VPS13A: variants seen among roughly 807,000 people sequenced by gnomAD.
The protein encoded by VPS13A is vacuolar protein sorting 13 homolog A, also known as intermembrane lipid transfer protein VPS13A.
In VPS13A, 264 loss-of-function variants were observed where a neutral mutation model predicts 390.9. That is an observed-to-expected ratio of 0.68 (90% CI 0.61 to 0.75). The LOEUF is 0.75. Among genes scored for constraint, VPS13A ranks in the 30% least tolerant of loss-of-function variants. VPS13A has a pLI of 0.00. For missense variants in VPS13A, 3,409 were observed against 3,733.9 expected, an observed-to-expected ratio of 0.91 and a Z score of 2.27; for synonymous variants, 1,231 against 1,227.1, an observed-to-expected ratio of 1.00 and a Z score of -0.07.
intron 67 of VPS13A, among the ~76,000 whole-genome samples, chr9:77,372,446 A>G (rs1832826837): frequency 6.6e-6 from 1 of 152,192 alleles, no homozygotes; most frequent in Admixed American, 6.5e-5. Flanking sequence ...CCTTCATGCT[A>G]AAAACTCTCA....
intron 68 of VPS13A, among the ~76,000 whole-genome samples, chr9:77,388,988 G>A (rs926282920): frequency 5.3e-5 from 8 of 152,058 alleles, no homozygotes; most frequent in Non-Finnish European, 2.9e-5. Context: ...ATAAAGATAC[G>A]AAATTTTTCA....
At chr9:77,356,331 C>A (rs980371310) in intron 54 of VPS13A, among the ~76,000 whole-genome samples, 4 of 152,110 alleles carry the variant, frequency 2.6e-5, no homozygotes. Context: ...ATTGAAGACC[C>A]CACCACTTTA....
rs773973511 is a variant in VPS13A at position 77,344,132 on chromosome 9, C to T, written c.7027-21C>T. The T allele has an allele frequency of 2.6e-6, 4 of 1,531,172 alleles. 1 individual carries two copies. In the Admixed American group the frequency reaches 5.0e-5, roughly 19 times the overall value. 94.8% of individuals were successfully genotyped at this position (1,531,172 alleles called of 1,614,324 possible). A position where few individuals can be genotyped will look rare whatever the true frequency, so the allele number is the denominator to read the frequency against. ...GGTGAAATCTGTTTATTTTTATAAACATATATAATGTATATTTTAGTGTAT... is the reference window on the plus strand; with the variant it reads ...GGTGAAATCTGTTTATTTTTATAAATATATATAATGTATATTTTAGTGTAT... On this transcript the variant is annotated intron_variant, in intron 50 of 71. Transcript: ENST00000360280.
At chr9:77,300,373 A>G (rs1828271855) in intron 33 of VPS13A, among the ~76,000 whole-genome samples, 1 of 152,198 alleles carries the variant, frequency 6.6e-6, no homozygotes, top group African/African-American at 2.4e-5. Flanking sequence ...GTTCCTAGAA[A>G]TAGAATTACT....
chr9:77,309,218 A>C (rs927010809), intron 35 of VPS13A, among the ~76,000 whole-genome samples: 1 of 152,178 alleles, frequency 6.6e-6, no homozygotes, highest in Non-Finnish European at 1.5e-5. Context: ...AAACAAAAAC[A>C]CTGAACATGT....
intron 68 of VPS13A, among the ~76,000 whole-genome samples, chr9:77,387,085 A>G (rs932596240): frequency 6.6e-6 from 1 of 151,772 alleles, no homozygotes; most frequent in African/African-American, 2.4e-5. Flanking sequence ...GAGGACAGGT[A>G]TTAATTGTGT....
In VPS13A at chr9:77,420,703, T is replaced by C. The variant is rs952391146; in HGVS notation, c.*4697T>C. 2.0e-5 allele frequency: 3 copies of C among 152,238 alleles called. No individual in the cohort carries two copies. The highest frequency in any genetic ancestry group is 7.2e-5 in the African/African-American group (3 of 41,472). The allele number at this position is 152,238 out of a possible 1,614,324, so 9.4% of individuals were successfully genotyped here. On this transcript the variant is annotated 3_prime_UTR_variant, in exon 72 of 72. Transcript: ENST00000360280. ...ATTTAGTGTTACTCTGATATGTTAA[T>C]AATGTATTCCTTCTAATGAAGTCCT...
intron 5 of VPS13A, among the ~76,000 whole-genome samples, chr9:77,207,845 G>C (rs1825768864): frequency 1.3e-5 from 2 of 151,902 alleles, no homozygotes; most frequent in South Asian, 4.2e-4. Context: ...GTCTTTCCAG[G>C]GTTCTGTGAC....
At chr9:77,225,725 C>G (rs957845415) in intron 13 of VPS13A, among the ~76,000 whole-genome samples, 2 of 152,138 alleles carry the variant, frequency 1.3e-5, no homozygotes, top group African/African-American at 4.8e-5. Flanking sequence ...AAATTACTCT[C>G]TAATTTACTA....
intron 9 of VPS13A, among the ~76,000 whole-genome samples, chr9:77,214,002 G>A (rs1249980102): frequency 2.0e-5 from 3 of 152,090 alleles, no homozygotes; most frequent in Admixed American, 6.6e-5. Context: ...ATGGCTAGGC[G>A]TGGTGGCTCA....
chr9:77,188,732 C>A lies in VPS13A; in HGVS notation c.100+10928C>A, dbSNP rs368328212. On this transcript the variant is annotated intron_variant, in intron 1 of 71. Transcript: ENST00000360280. ...ATTCCAAAGTGGCTGAACTAATTTA[C>A]ATTCCCACCAGCAGTGTGTAAGTGT... is the stretch of plus-strand genomic sequence containing the variant. Among the ~76,000 whole-genome samples, 9 of 152,342 alleles carry A rather than the reference C, an allele frequency of 5.9e-5. No individual in the cohort carries two copies. In the East Asian group the frequency reaches 7.7e-4, roughly 13 times the overall value.
At chr9:77,368,162 G>A (rs1587671709) in intron 62 of VPS13A, 26 bp downstream of exon 62, 1 of 1,581,976 alleles carries the variant, frequency 6.3e-7, no homozygotes, top group Non-Finnish European at 8.7e-7. Context: ...TATTACAGAG[G>A]GACAGAGTGA....
intron 71 of VPS13A, among the ~76,000 whole-genome samples, chr9:77,409,562 A>C (rs1370655962): frequency 6.6e-6 from 1 of 152,126 alleles, no homozygotes; most frequent in East Asian, 1.9e-4. Flanking sequence ...AAAAAATTAG[A>C]TGAATGGCTA....
rs187178180 is a variant in VPS13A at position 77,250,054 on chromosome 9, T to C, written c.2038-43T>C. Reference sequence around the variant, plus strand: ...AATTAAACACTTTATACTTACATTTTGAAGTATTTTGCATAGTCTAAACTA... The same window carrying C: ...AATTAAACACTTTATACTTACATTTCGAAGTATTTTGCATAGTCTAAACTA... On this transcript the variant is annotated intron_variant, in intron 20 of 71. Coordinates refer to ENST00000360280, the MANE Select transcript of VPS13A (RefSeq NM_033305.3). 6.2e-5 allele frequency: 99 copies of C among 1,604,192 alleles called. 1 individual carries two copies. The East Asian group carries it at 1.6e-3, about 26-fold the overall frequency.
intron 3 of VPS13A, among the ~76,000 whole-genome samples, chr9:77,203,176 A>G (rs1382013619): frequency 6.6e-6 from 1 of 152,210 alleles, no homozygotes; most frequent in Non-Finnish European, 1.5e-5. Flanking sequence ...CATATTATAA[A>G]AGAGGTTGTC....
At chr9:77,203,631 A>G (rs888382873) in intron 3 of VPS13A, among the ~76,000 whole-genome samples, 1 of 152,136 alleles carries the variant, frequency 6.6e-6, no homozygotes, top group Non-Finnish European at 1.5e-5. Context: ...AAAATGGCAC[A>G]CTGTTAATAT....
Position 77,220,283 on chromosome 9 carries a change from A to G in VPS13A, c.889A>G (p.Ser297Gly). Reference protein sequence around the residue: ...AIEFNKPQYFSIMELLESVDM... With the variant: ...AIEFNKPQYFGIMELLESVDM... ...TTAATTTTCCATTCTTTAGTATTTC[A>G]GTATTATGGAGCTTCTTGAATCAGT... Residue 297 changes from serine to glycine, a missense_variant, in exon 12 of 72, where the codon AGT (serine) becomes GGT (glycine). Physicochemically the swap from Ser to Gly is moderately conservative, Grantham distance 56. Transcript: ENST00000360280. 1 of 1,610,306 alleles carries G rather than the reference A, an allele frequency of 6.2e-7. No individual in the cohort carries two copies. The highest frequency in any genetic ancestry group is 1.1e-5 in the South Asian group (1 of 90,468).
chr9:77,195,192 C>T (rs1215630523), intron 1 of VPS13A, among the ~76,000 whole-genome samples: 2 of 152,050 alleles, frequency 1.3e-5, no homozygotes, highest in African/African-American at 2.4e-5. Flanking sequence ...GGCGCAATCT[C>T]GGCTCACTGG....
Position 77,238,074 on chromosome 9 carries a change from T to C in VPS13A, c.1668T>C (p.Ser556=), listed in dbSNP as rs2131230642. ...ATTCAGAAAAACCCCGCCTCCTGTC[T>C]TCATTGGATGATGCAATGTCACTTT... is the stretch of plus-strand genomic sequence containing the variant. ...PDNSEKPRLL[S]SLDDAMSLFQ... is the part of the protein sequence containing the mutation. The change falls in exon 18 of 72, where the codon TCT becomes TCC. Residue 556 remains serine (S), a synonymous_variant. Transcript: ENST00000360280. The C allele has an allele frequency of 1.2e-6, 2 of 1,613,738 alleles. No homozygotes were observed. The highest frequency in any genetic ancestry group is 1.7e-6 in the Non-Finnish European group (2 of 1,179,724).
Sources: gnomAD v4.1 joint callset for allele counts (sites outside exome capture counted in the v4.1 genomes callset) on GRCh38, gnomAD v4.1.1 for gene constraint, MANE v1.5 for transcripts, NCBI Gene and HGNC (gene_info 2026-07-23, HGNC 2026-07-21) for gene names.